SFXN5: variants seen among roughly 807,000 people sequenced by gnomAD.
SFXN5 encodes sideroflexin-5.
SFXN5 carries 43 observed loss-of-function variants against 50.2 expected under a neutral mutation model. That is an observed-to-expected ratio of 0.86 (90% confidence interval 0.67 to 1.11). The LOEUF is 1.11. Among genes scored for constraint, SFXN5 ranks in the 50% least tolerant of loss-of-function variants. The pLI is 0.00. For missense variants in SFXN5, 463 were observed against 454.1 expected (o/e 1.02, Z -0.18); for synonymous variants, 203 against 185.8 (o/e 1.09, Z -0.75).
intron 1 of SFXN5, among the ~76,000 whole-genome samples, chr2:73,063,808 C>T (rs1420303381): frequency 1.3e-5 from 2 of 152,186 alleles, no homozygotes; most frequent in African/African-American, 4.8e-5. Context: ...TTGCAGCTGG[C>T]TCTGTGTCTG....
At chr2:72,994,202 G>A (rs970711560) in intron 9 of SFXN5, among the ~76,000 whole-genome samples, 3 of 152,192 alleles carry the variant, frequency 2.0e-5, no homozygotes, top group African/African-American at 7.2e-5. Context: ...ATCCTCGTCT[G>A]TAAAATGAGG....
chr2:73,031,436 C>T (rs913330287), intron 3 of SFXN5, among the ~76,000 whole-genome samples: 7 of 151,990 alleles, frequency 4.6e-5, no homozygotes, highest in African/African-American at 1.5e-4. Flanking sequence ...TAGCTGCCCA[C>T]CTGGAACTTG....
At chr2:73,058,643 C>T in intron 1 of SFXN5, 47 bp from the exon 2 acceptor site, 1 of 1,568,072 alleles carries the variant, frequency 6.4e-7, no homozygotes. Flanking sequence ...AGCTGCTGCA[C>T]ACCCTTCTCC....
chr2:73,030,209 C>T (rs1039734103), intron 3 of SFXN5, among the ~76,000 whole-genome samples: 1 of 152,180 alleles, frequency 6.6e-6, no homozygotes, highest in African/African-American at 2.4e-5. Flanking sequence ...TCCTTAACTA[C>T]CACTTGCATC....
Position 73,002,483 on chromosome 2 carries a change from C to T in SFXN5, c.358-905G>A, listed in dbSNP as rs149386095. ...AAGTAACATCTACCAAGTCCCACTGCATATGGGAAAAATGTGCACAACCAT... is the reference window on the plus strand; with the variant it reads ...AAGTAACATCTACCAAGTCCCACTGTATATGGGAAAAATGTGCACAACCAT... On this transcript the variant is annotated intron_variant, in intron 6 of 13. Coordinates refer to ENST00000272433, the MANE Select transcript of SFXN5 (RefSeq NM_144579.3). Among the ~76,000 whole-genome samples, 18 of 152,308 alleles carry T rather than the reference C, an allele frequency of 1.2e-4. 1 individual carries two copies. The highest frequency in any genetic ancestry group is 4.1e-4 in the African/African-American group (17 of 41,556).
At chr2:72,988,212 C>T in intron 10 of SFXN5, 46 bp downstream of exon 10, 1 of 1,571,178 alleles carries the variant, frequency 6.4e-7, no homozygotes, top group Non-Finnish European at 8.7e-7. Context: ...CCAGCGGTCC[C>T]CCACACCCAC....
At chr2:73,014,690 T>C (rs956000417) in intron 6 of SFXN5, among the ~76,000 whole-genome samples, 2 of 152,226 alleles carry the variant, frequency 1.3e-5, no homozygotes, top group Non-Finnish European at 2.9e-5. Context: ...AATAAAGTTG[T>C]ATATGTTTCT....
At chr2:73,047,707 C>T (rs895823726) in intron 2 of SFXN5, among the ~76,000 whole-genome samples, 3 of 152,142 alleles carry the variant, frequency 2.0e-5, no homozygotes, top group African/African-American at 7.2e-5. Flanking sequence ...GAGGCCTCCA[C>T]AGCCATGTGG....
At chr2:72,990,089 A>G (rs1672397422) in intron 9 of SFXN5, among the ~76,000 whole-genome samples, 1 of 152,248 alleles carries the variant, frequency 6.6e-6, no homozygotes, top group Non-Finnish European at 1.5e-5. Flanking sequence ...GAAACAGCCC[A>G]GCCCAGGCTG....
At chr2:72,976,004 C>G (rs1371856875) in intron 10 of SFXN5, among the ~76,000 whole-genome samples, 1 of 152,190 alleles carries the variant, frequency 6.6e-6, no homozygotes, top group African/African-American at 2.4e-5. Flanking sequence ...TTAGGGAACT[C>G]ACATGGGAAG....
In SFXN5 at chr2:73,051,256, A is replaced by ATTTT. The variant is rs1160914961; in HGVS notation, c.171+7271_171+7272insAAAA. ...TCATGGCAATGAGACTTTTTCCAGC[A>ATTTT]CTTTTTTTTTTTTTTTTTTTGAGAC... On this transcript the variant is annotated intron_variant, in intron 2 of 13. Transcript: ENST00000272433. Among the ~76,000 whole-genome samples, 460 of 58,894 alleles carry ATTTT rather than the reference A, an allele frequency of 7.8e-3. 1 individual carries two copies. Among genetic ancestry groups the ATTTT allele is most frequent in the Middle Eastern group, 0.04 (4 of 100 alleles). The allele number at this position is 58,894 out of a possible 152,430, so 38.6% of individuals were successfully genotyped here.
At chr2:73,046,719 T>C (rs565439275) in intron 2 of SFXN5, among the ~76,000 whole-genome samples, 114 of 152,248 alleles carry the variant, frequency 7.5e-4, no homozygotes, top group Non-Finnish European at 1.2e-3. Context: ...AGTGTCATAA[T>C]TGCCAAAATG....
intron 13 of SFXN5, among the ~76,000 whole-genome samples, chr2:72,946,640 T>C (rs1251796745): frequency 6.6e-6 from 1 of 151,700 alleles, no homozygotes; most frequent in Non-Finnish European, 1.5e-5. Flanking sequence ...GAACCTGCCC[T>C]CTCCCCTGGC....
In SFXN5 at chr2:72,961,050, C is replaced by G; in HGVS notation, c.945+81G>C. 3 of 1,040,184 alleles carry G rather than the reference C, an allele frequency of 2.9e-6. No homozygotes were observed. Among genetic ancestry groups the G allele is most frequent in the Non-Finnish European group, 4.0e-6 (3 of 745,118 alleles). 64.4% of individuals were successfully genotyped at this position (1,040,184 alleles called of 1,614,324 possible). Reference sequence around the variant, plus strand: ...AGCGCCTAGCATGGCGCTAAGGAGTCGGCACGGTATGAGTATTTGTTCAGA... The same window carrying G: ...AGCGCCTAGCATGGCGCTAAGGAGTGGGCACGGTATGAGTATTTGTTCAGA... On this transcript the variant is annotated intron_variant, in intron 13 of 13. Transcript: ENST00000272433. The surrounding 1 kb of genome is among the most constrained non-coding windows in gnomAD (Gnocchi z 4.4).
In SFXN5 at chr2:73,007,699, C is replaced by T. The variant is rs149101064; in HGVS notation, c.358-6121G>A. Reference sequence around the variant, plus strand: ...CTCATCCCCTTCCGCCACACTGACTCGCTCAACTCCAAAATGTTCCTCTTT... The same window carrying T: ...CTCATCCCCTTCCGCCACACTGACTTGCTCAACTCCAAAATGTTCCTCTTT... On this transcript the variant is annotated intron_variant, in intron 6 of 13. Coordinates refer to ENST00000272433, the MANE Select transcript of SFXN5 (RefSeq NM_144579.3). Among the ~76,000 whole-genome samples, 2 of 152,238 alleles carry T rather than the reference C, an allele frequency of 1.3e-5. 1 individual carries two copies. The highest frequency in any genetic ancestry group is 3.9e-4 in the East Asian group (2 of 5,166).
intron 6 of SFXN5, among the ~76,000 whole-genome samples, chr2:73,014,683 A>T (rs1207928629): frequency 6.6e-6 from 1 of 152,188 alleles, no homozygotes; most frequent in Non-Finnish European, 1.5e-5. Context: ...GTCCTTCAAT[A>T]AAGTTGTATA....
chr2:73,068,316 T>C (rs868846357), intron 1 of SFXN5, among the ~76,000 whole-genome samples: 42 of 152,176 alleles, frequency 2.8e-4, no homozygotes, highest in African/African-American at 9.7e-4. Flanking sequence ...ACTATGAGCA[T>C]ATATATTACA....
chr2:72,959,056 G>A (rs1013857509), intron 13 of SFXN5, among the ~76,000 whole-genome samples: 2 of 152,110 alleles, frequency 1.3e-5, no homozygotes, highest in African/African-American at 4.8e-5. Context: ...CCGGCCTCTT[G>A]TTTTCACTTC....
chr2:73,059,244 A>C, intron 1 of SFXN5: 1 of 985,712 alleles, frequency 1.0e-6, no homozygotes, highest in Non-Finnish European at 1.2e-6. Context: ...AATGAAAGGA[A>C]ACCAAGCAAC....
Sources: gnomAD v4.1 joint callset for allele counts (sites outside exome capture counted in the v4.1 genomes callset) on GRCh38, gnomAD v4.1.1 for gene constraint, Gnocchi (gnomAD v3.1) non-coding constraint, MANE v1.5 for transcripts, NCBI Gene and HGNC (gene_info 2026-07-23, HGNC 2026-07-21) for gene names.